Variants in CDH13 observed in about 807,000 individuals in gnomAD.
The protein encoded by CDH13 is cadherin 13.
CDH13 carries 24 observed loss-of-function variants against 63.8 expected under a neutral mutation model. That is an observed-to-expected ratio of 0.38 (90% CI 0.27 to 0.53). The LOEUF is 0.53. Among genes scored for constraint, CDH13 ranks in the 20% least tolerant of loss-of-function variants. The probability of loss-of-function intolerance (pLI) is 0.85; values close to 1 mark genes in which losing one functional copy is unlikely to be tolerated. For synonymous variants in CDH13, 503 were observed against 355.3 expected, an observed-to-expected ratio of 1.42 and a Z score of -4.67; for missense variants, 1,049 against 903.1, an observed-to-expected ratio of 1.16 and a Z score of -2.07.
chr16:83,335,822 G>A (rs139399114), intron 5 of CDH13, among the ~76,000 whole-genome samples: 2 of 151,960 alleles, frequency 1.3e-5, no homozygotes, highest in African/African-American at 2.4e-5. Flanking sequence ...ACCCTCTCAC[G>A]TGCACCCCCT....
chr16:83,781,176 C>T (rs1187934148), intron 12 of CDH13, among the ~76,000 whole-genome samples: 1 of 152,210 alleles, frequency 6.6e-6, no homozygotes, highest in African/African-American at 2.4e-5. Flanking sequence ...GAATTCAAAA[C>T]TTAACCCAAC....
chr16:83,045,109 CG>C (rs1449263584), intron 3 of CDH13, among the ~76,000 whole-genome samples: 2 of 152,076 alleles, frequency 1.3e-5, no homozygotes, highest in African/African-American at 4.8e-5. Flanking sequence ...GCCGGCTTTG[CG>C]GTCGGCATGA....
At position 83,197,260 on chromosome 16, in the gene CDH13, G is replaced by T. The variant is rs575322673; in HGVS notation, c.484-20085G>T. On this transcript the variant is annotated intron_variant, in intron 4 of 13. Coordinates refer to ENST00000567109, the MANE Select transcript of CDH13 (RefSeq NM_001257.5). ...TTATGTTTATTTTTAATGTTTGTGG[G>T]TGTATCATAGGTATATATATATATA... Among the ~76,000 whole-genome samples, 9 of 145,306 alleles carry T rather than the reference G, an allele frequency of 6.2e-5. No individual in the cohort carries two copies. In the South Asian group the frequency reaches 1.5e-3, roughly 25 times the overall value.
intron 2 of CDH13, among the ~76,000 whole-genome samples, chr16:82,920,322 C>G (rs920021857): frequency 2.0e-5 from 3 of 152,202 alleles, no homozygotes; most frequent in Non-Finnish European, 4.4e-5. Context: ...GCCAGCAGCT[C>G]CAGGCTCACA....
At chr16:83,028,751 G>T (rs1373782581) in intron 2 of CDH13, among the ~76,000 whole-genome samples, 1 of 152,146 alleles carries the variant, frequency 6.6e-6, no homozygotes, top group African/African-American at 2.4e-5. Flanking sequence ...CTTATGAATT[G>T]TTTATTTCTG....
intron 10 of CDH13, among the ~76,000 whole-genome samples, chr16:83,722,546 A>T (rs924543955): frequency 8.5e-5 from 13 of 152,228 alleles, no homozygotes; most frequent in African/African-American, 3.1e-4. Context: ...CCACCTCCAG[A>T]GAATCAGATG....
At position 82,660,614 on chromosome 16, in the gene CDH13, C is replaced by G. The variant is rs972657132; in HGVS notation, c.45+33477C>G. 1.8e-4 allele frequency among the ~76,000 whole-genome samples: 27 copies of G among 152,052 alleles called. 1 individual carries two copies. The highest frequency in any genetic ancestry group is 1.3e-4 in the Admixed American group (2 of 15,274). On this transcript the variant is annotated intron_variant, in intron 1 of 13. Coordinates refer to ENST00000567109, the MANE Select transcript of CDH13 (RefSeq NM_001257.5). ...AACCTAGGGCCCAGGAGGGAAGCTT[C>G]CAGAAGGTTGAGTTATATTTAAGCC...
intron 2 of CDH13, among the ~76,000 whole-genome samples, chr16:83,027,593 T>C (rs1915935109): frequency 6.6e-6 from 1 of 152,158 alleles, no homozygotes; most frequent in East Asian, 1.9e-4. Flanking sequence ...GAGTGCTAAG[T>C]ATTGTTTTGC....
chr16:83,460,875 A>G (rs1270798948), intron 6 of CDH13, among the ~76,000 whole-genome samples: 1 of 149,386 alleles, frequency 6.7e-6, no homozygotes, highest in African/African-American at 2.5e-5. Context: ...ATGGCGGCCC[A>G]TGCCTATGGT....
At chr16:83,013,247 C>G (rs1217763726) in intron 2 of CDH13, among the ~76,000 whole-genome samples, 2 of 152,186 alleles carry the variant, frequency 1.3e-5, no homozygotes, top group East Asian at 1.9e-4. Flanking sequence ...TGGCTGTATT[C>G]CAATAAAACT....
At chr16:83,306,955 C>T (rs1441498355) in intron 5 of CDH13, among the ~76,000 whole-genome samples, 1 of 152,174 alleles carries the variant, frequency 6.6e-6, no homozygotes, top group East Asian at 1.9e-4. Context: ...AAAAGAAAAT[C>T]ATGTTTGTTT....
intron 2 of CDH13, among the ~76,000 whole-genome samples, chr16:83,028,520 T>C (rs1916023740): frequency 6.6e-6 from 1 of 152,206 alleles, no homozygotes; most frequent in South Asian, 2.1e-4. Context: ...CACAGCTCTC[T>C]ACAGTAGTCC....
chr16:83,329,759 A>C (rs1313277868), intron 5 of CDH13, among the ~76,000 whole-genome samples: 1 of 152,162 alleles, frequency 6.6e-6, no homozygotes, highest in Non-Finnish European at 1.5e-5. Context: ...AGCTCATATA[A>C]GTGGAATCAC....
rs528599866 is a variant in CDH13 at position 83,179,512 on chromosome 16, C to T, written c.484-37833C>T. Reference sequence around the variant, plus strand: ...AAAAAAAAAAAAAAAATTAGCCGGGCGTGGTGGCGGGCACCTGTAGTCCCA... The same window carrying T: ...AAAAAAAAAAAAAAAATTAGCCGGGTGTGGTGGCGGGCACCTGTAGTCCCA... On this transcript the variant is annotated intron_variant, in intron 4 of 13. Coordinates refer to ENST00000567109, the MANE Select transcript of CDH13 (RefSeq NM_001257.5). Among the ~76,000 whole-genome samples the T allele has an allele frequency of 7.4e-4, 74 of 99,850 alleles. 1 individual carries two copies. The East Asian group carries it at 0.014, about 19-fold the overall frequency. 65.5% of individuals were successfully genotyped at this position (99,850 alleles called of 152,430 possible).
chr16:83,539,713 C>A (rs936235631), intron 7 of CDH13, among the ~76,000 whole-genome samples: 1 of 152,132 alleles, frequency 6.6e-6, no homozygotes, highest in Non-Finnish European at 1.5e-5. Flanking sequence ...GTAATTATTC[C>A]CATTTCATAG....
intron 1 of CDH13, among the ~76,000 whole-genome samples, chr16:82,816,326 G>C (rs2037708212): frequency 6.6e-6 from 1 of 152,182 alleles, no homozygotes; most frequent in African/African-American, 2.4e-5. Context: ...GTAGGTAGTG[G>C]TGATACAGCA....
intron 10 of CDH13, among the ~76,000 whole-genome samples, chr16:83,711,152 G>A (rs1176321819): frequency 1.3e-5 from 2 of 152,212 alleles, no homozygotes; most frequent in Non-Finnish European, 2.9e-5. Flanking sequence ...CCAGTTAGAA[G>A]TATCTGTGAC....
At chr16:82,931,846 C>G (rs960689391) in intron 2 of CDH13, among the ~76,000 whole-genome samples, 14 of 152,218 alleles carry the variant, frequency 9.2e-5, no homozygotes, top group African/African-American at 3.1e-4. Context: ...ATGGTCCCAC[C>G]TACAACATGT....
At chr16:82,963,065 A>C (rs142547670) in intron 2 of CDH13, among the ~76,000 whole-genome samples, 70 of 152,238 alleles carry the variant, frequency 4.6e-4, no homozygotes, top group Non-Finnish European at 8.7e-4. Flanking sequence ...CCGTTTAACC[A>C]ACATGTATGG....
Sources: allele counts gnomAD v4.1 joint callset (sites outside exome capture counted in the v4.1 genomes callset), GRCh38; gene constraint gnomAD v4.1.1; transcripts MANE v1.5; gene names NCBI Gene and HGNC (gene_info 2026-07-23, HGNC 2026-07-21).